CSRP1: variants seen among roughly 807,000 people sequenced by gnomAD.
CSRP1 encodes the protein cysteine and glycine-rich protein 1.
CSRP1 carries 16 observed loss-of-function variants against 25.4 expected under a neutral mutation model. That is an observed-to-expected ratio of 0.63 (90% CI 0.43 to 0.96). CSRP1 has a LOEUF of 0.96. Ranked by LOEUF, CSRP1 falls within the 40% of genes least tolerant of loss-of-function variation. The pLI is 0.00. For missense variants in CSRP1, 212 were observed against 243.6 expected, an observed-to-expected ratio of 0.87 and a Z score of 0.86; for synonymous variants, 97 against 95.3, an observed-to-expected ratio of 1.02 and a Z score of -0.10.
At chr1:201,493,725 A>G (rs990922957) in intron 2 of CSRP1, among the ~76,000 whole-genome samples, 3 of 152,226 alleles carry the variant, frequency 2.0e-5, no homozygotes, top group Non-Finnish European at 4.4e-5. Context: ...GGCCTGGCCA[A>G]TGAGGGAGAT....
At chr1:201,486,276 C>CA in intron 4 of CSRP1, 6 of 914,520 alleles carry the variant, frequency 6.6e-6, no homozygotes, top group Non-Finnish European at 6.5e-6. Flanking sequence ...GTTGCACAGA[C>CA]AGACTTCTCC....
Position 201,485,278 on chromosome 1 carries a change from C to A in CSRP1, c.505+5G>T, listed in dbSNP as rs1432900418. On this transcript the variant is annotated splice_donor_5th_base_variant and intron_variant, in intron 5 of 5. Transcript: ENST00000340006. ...TGACCCTCAATTAGAAGTGAAAACA[C>A]CCACCTTTGCAGTAAATCTCGCCAT... 1.9e-6 allele frequency: 3 copies of A among 1,613,988 alleles called. No homozygotes were observed. The highest frequency in any genetic ancestry group is 2.5e-6 in the Non-Finnish European group (3 of 1,179,882).
intron 2 of CSRP1, 64 bp from the exon 3 acceptor site, chr1:201,490,408 C>A: frequency 6.5e-7 from 1 of 1,540,970 alleles, no homozygotes; most frequent in Non-Finnish European, 8.9e-7. Flanking sequence ...TTGCTCATTG[C>A]AAGCTTCTTA....
intron 2 of CSRP1, among the ~76,000 whole-genome samples, chr1:201,495,067 A>ACCATC (rs1397808708): frequency 6.6e-6 from 1 of 152,172 alleles, no homozygotes; most frequent in Non-Finnish European, 1.5e-5. Flanking sequence ...TTTAACTAAG[A>ACCATC]CATTCTTCTA....
At chr1:201,496,726 A>T (rs533822039) in intron 1 of CSRP1, among the ~76,000 whole-genome samples, 108 of 152,388 alleles carry the variant, frequency 7.1e-4, no homozygotes, top group African/African-American at 2.5e-3. Context: ...GTCCATTTGT[A>T]GGAAATTCAC....
intron 3 of CSRP1, 67 bp from the exon 4 acceptor site, chr1:201,489,051 G>A (rs1030871107): frequency 4.4e-6 from 7 of 1,595,228 alleles, no homozygotes; most frequent in Middle Eastern, 2.1e-4. Context: ...GGCACTGAGA[G>A]GGCATGACCC....
At position 201,490,192 on chromosome 1, in the gene CSRP1, C is replaced by G. The variant is rs1664289593; in HGVS notation, c.265G>C (p.Gly89Arg). ...TLSTDKGESL[G>R]IKHEEAPGHR... ...TTTACTCACTCCTCGTGCTTGATAC[C>G]CAGCGACTCCCCCTTGTCAGTGCTG... Residue 89 changes from glycine (G) to arginine (R), a missense_variant, in exon 3 of 6, where the codon GGT (glycine) becomes CGT (arginine). Physicochemically the swap from Gly to Arg is moderately radical, Grantham distance 125. Transcript: ENST00000340006. 1 of 1,613,594 alleles carries G rather than the reference C, an allele frequency of 6.2e-7. No individual in the cohort carries two copies. The highest frequency in any genetic ancestry group is 2.2e-5 in the East Asian group (1 of 44,872).
At position 201,484,564 on chromosome 1, in the gene CSRP1, C is replaced by T; in HGVS notation, c.*149G>A. ...GTGGGACCTCAGGCAGACCCCCAAA[C>T]CAAAGGGAGCCAGATGCCCAAGTTC... On this transcript the variant is annotated 3_prime_UTR_variant, in exon 6 of 6. Coordinates refer to ENST00000340006, the MANE Select transcript of CSRP1 (RefSeq NM_004078.3). 1 of 776,938 alleles carries T rather than the reference C, an allele frequency of 1.3e-6. No homozygotes were observed. The highest frequency in any genetic ancestry group is 2.1e-6 in the Non-Finnish European group (1 of 479,270). The allele number at this position is 776,938 out of a possible 1,614,324, so 48.1% of individuals were successfully genotyped here. A position where few individuals can be genotyped will look rare whatever the true frequency, so the allele number is the denominator to read the frequency against.
At chr1:201,486,204 C>T (rs1248051380) in intron 4 of CSRP1, 1 of 258,990 alleles carries the variant, frequency 3.9e-6, no homozygotes, top group Non-Finnish European at 6.0e-6. Flanking sequence ...CATTCTGTAA[C>T]ACAGGGCAAA....
intron 2 of CSRP1, chr1:201,493,022 G>A (rs1472350608): frequency 6.6e-6 from 1 of 152,404 alleles, no homozygotes; most frequent in Non-Finnish European, 1.5e-5. Context: ...TCTTTCCTCA[G>A]GGCTGGCTGC....
At chr1:201,493,475 C>T (rs1403081182) in intron 2 of CSRP1, among the ~76,000 whole-genome samples, 1 of 152,232 alleles carries the variant, frequency 6.6e-6, no homozygotes, top group Admixed American at 6.5e-5. Context: ...GCTCTCTTGC[C>T]TGCTGCCATG....
At position 201,483,894 on chromosome 1, in the gene CSRP1, C is replaced by T. The variant is rs56242749; in HGVS notation, c.*819G>A. 4.7e-6 allele frequency: 3 copies of T among 639,408 alleles called. No individual in the cohort carries two copies. The highest frequency in any genetic ancestry group is 3.6e-5 in the African/African-American group (2 of 56,228). 39.6% of individuals were successfully genotyped at this position (639,408 alleles called of 1,614,324 possible). On this transcript the variant is annotated 3_prime_UTR_variant, in exon 6 of 6. Coordinates refer to ENST00000340006, the MANE Select transcript of CSRP1 (RefSeq NM_004078.3). ...GGCAAGAACAGAGCCCTGGCCTGGG[C>T]TCTGCTGGCCGCAGCCTCAGGAGCC... is the stretch of plus-strand genomic sequence containing the variant.
intron 3 of CSRP1, 21 bp downstream of exon 3, chr1:201,490,155 G>A: frequency 6.2e-7 from 1 of 1,605,234 alleles, no homozygotes; most frequent in Non-Finnish European, 8.5e-7. Flanking sequence ...GAAAAAGGTT[G>A]GGAGGGGATC....
At position 201,484,582 on chromosome 1, in the gene CSRP1, C is replaced by T. The variant is rs1664071205; in HGVS notation, c.*131G>A. ...CCCCAAACCAAAGGGAGCCAGATGC[C>T]CAAGTTCAAGTCATTAGTGATATGT... On this transcript the variant is annotated 3_prime_UTR_variant, in exon 6 of 6. Transcript: ENST00000340006. 3 of 899,984 alleles carry T rather than the reference C, an allele frequency of 3.3e-6. No individual in the cohort carries two copies. Among genetic ancestry groups the T allele is most frequent in the Admixed American group, 2.6e-5 (1 of 39,084 alleles). 55.7% of individuals were successfully genotyped at this position (899,984 alleles called of 1,614,324 possible).
rs369529539 is a variant in CSRP1, at chr1:201,484,815, G to T, written c.506-26C>A. 2.5e-6 allele frequency: 4 copies of T among 1,596,352 alleles called. No individual in the cohort carries two copies. In the South Asian group the frequency reaches 3.4e-5, roughly 14 times the overall value. On this transcript the variant is annotated intron_variant, in intron 5 of 5. Coordinates refer to ENST00000340006, the MANE Select transcript of CSRP1 (RefSeq NM_004078.3). The stretch of plus-strand genomic sequence containing the variant: ...CTGCAGAGAGAGGAGAGAGATAAGG[G>T]CATGTTCTTCCTCCACCCCCAGCCA...
chr1:201,487,871 G>C (rs1664196709), intron 4 of CSRP1: 1 of 152,222 alleles, frequency 6.6e-6, no homozygotes, highest in African/African-American at 2.4e-5. Flanking sequence ...CCATGACTGT[G>C]AGAGTAGAGA....
At position 201,484,311 on chromosome 1, in the gene CSRP1, T is replaced by G; in HGVS notation, c.*402A>C. On this transcript the variant is annotated 3_prime_UTR_variant, in exon 6 of 6. Transcript: ENST00000340006. ...CAGCCTTCCCCCCTCCTCATCTTGG[T>G]CTTGCTTCCCTCTCCCTCCAGCCTG... is the stretch of plus-strand genomic sequence containing the variant. 1 of 508,988 alleles carries G rather than the reference T, an allele frequency of 2.0e-6. No homozygotes were observed. The highest frequency in any genetic ancestry group is 3.5e-6 in the Non-Finnish European group (1 of 284,006). The allele number at this position is 508,988 out of a possible 1,614,324, so 31.5% of individuals were successfully genotyped here.
At chr1:201,504,063 C>T (rs1664744227) in intron 1 of CSRP1, among the ~76,000 whole-genome samples, 1 of 152,208 alleles carries the variant, frequency 6.6e-6, no homozygotes, top group South Asian at 2.1e-4. Context: ...CCTTGTAAAG[C>T]TGATGTGTTT....
intron 1 of CSRP1, among the ~76,000 whole-genome samples, chr1:201,506,229 G>A (rs1557978652): frequency 6.6e-6 from 1 of 152,120 alleles, no homozygotes. Context: ...CCAGCGTGGG[G>A]AGAGCCTGCC....
Sources: gnomAD v4.1 joint callset for allele counts (sites outside exome capture counted in the v4.1 genomes callset) on GRCh38, gnomAD v4.1.1 for gene constraint, MANE v1.5 for transcripts, NCBI Gene and HGNC (gene_info 2026-07-23, HGNC 2026-07-21) for gene names.